The following ARID3B variants were observed in gnomAD, a reference collection of about 807,000 sequenced individuals.
ARID3B encodes AT-rich interaction domain 3B, also known as AT-rich interactive domain-containing protein 3B.
In ARID3B, 10 loss-of-function variants were observed where a neutral mutation model predicts 51.9. The observed-to-expected ratio is 0.19, with a 90% CI of 0.12 to 0.33. ARID3B has a LOEUF of 0.33. Among genes scored for constraint, ARID3B ranks in the 10% least tolerant of loss-of-function variants. ARID3B has a pLI of 1.00. For missense variants in ARID3B, 483 were observed against 716.3 expected (o/e 0.67, Z 3.72); for synonymous variants, 205 against 279.5 (o/e 0.73, Z 2.66).
chr15:74,561,666 T>C (rs2061679903), intron 2 of ARID3B, among the ~76,000 whole-genome samples: 1 of 152,218 alleles, frequency 6.6e-6, no homozygotes, highest in East Asian at 1.9e-4. Flanking sequence ...GTAGGGATAA[T>C]AATAGTACCC....
chr15:74,572,960 G>C, intron 3 of ARID3B, 27 bp downstream of exon 3: 1 of 1,612,754 alleles, frequency 6.2e-7, no homozygotes, highest in Admixed American at 1.7e-5. Flanking sequence ...TTGTGATACA[G>C]ATAGGGGCAG....
intron 2 of ARID3B, among the ~76,000 whole-genome samples, chr15:74,569,575 A>G (rs999237387): frequency 2.0e-5 from 3 of 152,202 alleles, no homozygotes; most frequent in African/African-American, 4.8e-5. Context: ...AGAAAGAGAC[A>G]GTCTTCCTAT....
rs758114239 is a variant in ARID3B, at chr15:74,593,127, G to T, written c.1421-11G>T. The T allele has an allele frequency of 6.2e-7, 1 of 1,611,638 alleles. No individual in the cohort carries two copies. The highest frequency in any genetic ancestry group is 1.7e-5 in the Admixed American group (1 of 59,994). On this transcript the variant is annotated splice_polypyrimidine_tract_variant and intron_variant, in intron 7 of 8. Coordinates refer to ENST00000346246, the MANE Select transcript of ARID3B (RefSeq NM_006465.4). The stretch of plus-strand genomic sequence containing the variant: ...GCTTGACCAGGCCCACTGTCTCCCT[G>T]TCCCCAGCAGAAGACAGAGCAGAGG...
At chr15:74,554,564 A>G (rs1010473116) in intron 2 of ARID3B, among the ~76,000 whole-genome samples, 7 of 152,282 alleles carry the variant, frequency 4.6e-5, no homozygotes, top group African/African-American at 1.7e-4. Context: ...CAGCCTCCCA[A>G]AGTGCTAGGA....
chr15:74,548,401 A>G (rs568413102), intron 2 of ARID3B, among the ~76,000 whole-genome samples: 1 of 152,314 alleles, frequency 6.6e-6, no homozygotes, highest in African/African-American at 2.4e-5. Flanking sequence ...GATTTTCTGC[A>G]TACTTTGGCA....
intron 2 of ARID3B, among the ~76,000 whole-genome samples, chr15:74,549,305 G>C (rs1188672695): frequency 6.6e-6 from 1 of 152,004 alleles, no homozygotes; most frequent in Non-Finnish European, 1.5e-5. Context: ...TCGATCTCCT[G>C]ACCTCGTGAT....
chr15:74,572,838 A>G lies in ARID3B; in HGVS notation c.553-24A>G, dbSNP rs766277087. On this transcript the variant is annotated intron_variant, in intron 2 of 8. Transcript: ENST00000346246. ...TCTTTCTCTTCCTTTGCCCCTCTCA[A>G]CTTTGTGTTTTGTTCCCTTTTAGAA... 290 of 1,612,694 alleles carry G rather than the reference A, an allele frequency of 1.8e-4. 3 individuals carry two copies. Among genetic ancestry groups the G allele is most frequent in the South Asian group, 1.1e-5 (1 of 91,062 alleles).
chr15:74,579,828 CGTGTGTGT>C (rs374538596), intron 4 of ARID3B, among the ~76,000 whole-genome samples: 7,584 of 137,814 alleles, frequency 0.055, 269 homozygotes, highest in Admixed American at 0.11. Flanking sequence ...CACCTGTTGC[CGTGTGTGT>C]GTGTGTGTGT....
At chr15:74,554,133 A>G (rs1184621858) in intron 2 of ARID3B, among the ~76,000 whole-genome samples, 1 of 152,072 alleles carries the variant, frequency 6.6e-6, no homozygotes, top group East Asian at 1.9e-4. Context: ...CAGCCTCCCA[A>G]GTAGCTGGGA....
chr15:74,542,284 G>T (rs1458571932), intron 1 of ARID3B, among the ~76,000 whole-genome samples: 1 of 152,186 alleles, frequency 6.6e-6, no homozygotes, highest in Non-Finnish European at 1.5e-5. Context: ...ATTTAATGTG[G>T]ATGTAAATCT....
Position 74,596,958 on chromosome 15 carries a change from G to A in ARID3B, c.*1184G>A, listed in dbSNP as rs1484941107. The A allele has an allele frequency of 8.6e-6, 2 of 233,640 alleles. No individual in the cohort carries two copies. The highest frequency in any genetic ancestry group is 6.0e-5 in the East Asian group (1 of 16,584). 14.5% of individuals were successfully genotyped at this position (233,640 alleles called of 1,614,324 possible). On this transcript the variant is annotated 3_prime_UTR_variant, in exon 9 of 9. Transcript: ENST00000346246. Reference sequence around the variant, plus strand: ...GCAGGGGAGACGACTCAGGGATCGCGGGGGCGGGGAGGTGGAGTGGAGAGG... The same window carrying A: ...GCAGGGGAGACGACTCAGGGATCGCAGGGGCGGGGAGGTGGAGTGGAGAGG...
At position 74,595,996 on chromosome 15, in the gene ARID3B, G is replaced by A; in HGVS notation, c.*222G>A. On this transcript the variant is annotated 3_prime_UTR_variant, in exon 9 of 9. Coordinates refer to ENST00000346246, the MANE Select transcript of ARID3B (RefSeq NM_006465.4). ...AGGACAGACAGCGTTGTCCAATCAG[G>A]GATTGTCCTGGAGAACTGGGTGGGG... is the stretch of plus-strand genomic sequence containing the variant. 1 of 535,420 alleles carries A rather than the reference G, an allele frequency of 1.9e-6. No homozygotes were observed. Among genetic ancestry groups the A allele is most frequent in the Non-Finnish European group, 3.3e-6 (1 of 306,260 alleles). The allele number at this position is 535,420 out of a possible 1,614,324, so 33.2% of individuals were successfully genotyped here.
chr15:74,575,649 G>C (rs2061734945), intron 4 of ARID3B, among the ~76,000 whole-genome samples: 1 of 152,160 alleles, frequency 6.6e-6, no homozygotes, highest in South Asian at 2.1e-4. Flanking sequence ...GTATATTTCT[G>C]AGTGAACCCA....
chr15:74,584,168 G>T (rs1336280915), intron 4 of ARID3B, among the ~76,000 whole-genome samples: 1 of 152,190 alleles, frequency 6.6e-6, no homozygotes, highest in African/African-American at 2.4e-5. Context: ...TACCCAATAG[G>T]TAGTTTTTCA....
At chr15:74,547,540 A>G (rs938397187) in intron 2 of ARID3B, among the ~76,000 whole-genome samples, 3 of 152,070 alleles carry the variant, frequency 2.0e-5, no homozygotes, top group Non-Finnish European at 4.4e-5. Context: ...TTGAACAACA[A>G]ACTTTTACAG....
intron 2 of ARID3B, among the ~76,000 whole-genome samples, chr15:74,553,931 C>T (rs1325802962): frequency 3.4e-4 from 51 of 152,172 alleles, no homozygotes; most frequent in Non-Finnish European, 1.5e-4. Flanking sequence ...TCAAGAGATT[C>T]TCCTGCCTCA....
rs557153895 is a variant in ARID3B, at chr15:74,591,336, C to G, written c.1067C>G (p.Ser356Cys). The change falls in exon 6 of 9, where the codon TCC becomes TGC. Residue 356 changes from serine (S) to cysteine (C), a missense_variant. Around this residue, in one of 3 missense-constraint regions of ARID3B, gnomAD observed 265 missense variants for 354.4 expected, o/e 0.75. Coordinates refer to ENST00000346246, the MANE Select transcript of ARID3B (RefSeq NM_006465.4). The surrounding 1 kb of genome is among the most constrained non-coding windows in gnomAD (Gnocchi z 5.8). ...GCTGCCGGGGCCCCTGCCCTTCTCT[C>G]CCCACCCAAGATCCGCTTTCCCATC... ...AAAAGAPALL[S>C]PPKIRFPILG... 1 of 1,614,114 alleles carries G rather than the reference C, an allele frequency of 6.2e-7. No homozygotes were observed. Among genetic ancestry groups the G allele is most frequent in the South Asian group, 1.1e-5 (1 of 91,086 alleles).
chr15:74,574,466 A>G (rs2061730164), intron 4 of ARID3B: 1 of 152,156 alleles, frequency 6.6e-6, no homozygotes, highest in South Asian at 2.1e-4. Flanking sequence ...CCCAGCAGCT[A>G]AATATTCTAA....
chr15:74,595,542 T>A, intron 8 of ARID3B, 69 bp from the exon 9 acceptor site: 1 of 1,544,280 alleles, frequency 6.5e-7, no homozygotes, highest in Non-Finnish European at 8.8e-7. Context: ...GGTGAATACT[T>A]ACTGAAAGGA....
Sources: allele counts gnomAD v4.1 joint callset (sites outside exome capture counted in the v4.1 genomes callset), GRCh38; gene constraint gnomAD v4.1.1; regional missense constraint gnomAD v4.1.1; non-coding constraint Gnocchi (gnomAD v3.1); transcripts MANE v1.5; gene names NCBI Gene and HGNC (gene_info 2026-07-23, HGNC 2026-07-21).